ARHGAP25: variants seen among roughly 807,000 people sequenced by gnomAD.
The protein encoded by ARHGAP25 is rho GTPase-activating protein 25.
In ARHGAP25, 34 loss-of-function variants were observed where a neutral mutation model predicts 71.0. The ratio of observed to expected loss-of-function variants is 0.48; its 90% CI spans 0.36 to 0.64. The LOEUF (loss-of-function observed/expected upper bound fraction) is 0.64, where lower values mean the gene tolerates loss of function less well. Among genes scored for constraint, ARHGAP25 ranks in the 30% least tolerant of loss-of-function variants. The probability of loss-of-function intolerance (pLI) is 0.00; values close to 1 mark genes in which losing one functional copy is unlikely to be tolerated. For synonymous variants in ARHGAP25, 282 were observed against 296.5 expected, an observed-to-expected ratio of 0.95 and a Z score of 0.50; for missense variants, 706 against 805.1, an observed-to-expected ratio of 0.88 and a Z score of 1.49.
chr2:68,766,104 A>G (rs902365235), intron 1 of ARHGAP25, among the ~76,000 whole-genome samples: 3 of 152,226 alleles, frequency 2.0e-5, no homozygotes, highest in African/African-American at 7.2e-5. Flanking sequence ...GTGACTAGTG[A>G]ACCAAAACCT....
chr2:68,732,495 C>A (rs965379114), upstream of ARHGAP25, among the ~76,000 whole-genome samples: 1 of 152,220 alleles, frequency 6.6e-6, no homozygotes, highest in African/African-American at 2.4e-5. Context: ...CGAAAAAGAG[C>A]AGTGGTGTTT....
upstream of ARHGAP25, among the ~76,000 whole-genome samples, chr2:68,734,098 T>A (rs773236312): frequency 6.6e-6 from 1 of 152,126 alleles, no homozygotes; most frequent in Non-Finnish European, 1.5e-5. Flanking sequence ...TAGAATAGAA[T>A]AAAGGTTGAA....
chr2:68,755,452 C>G (rs1676420396), intron 1 of ARHGAP25, among the ~76,000 whole-genome samples: 1 of 152,178 alleles, frequency 6.6e-6, no homozygotes, highest in African/African-American at 2.4e-5. Flanking sequence ...ACTGGATTCT[C>G]TTTTTCAAAA....
intron 1 of ARHGAP25, among the ~76,000 whole-genome samples, chr2:68,764,872 T>TC (rs1398059514): frequency 6.6e-6 from 1 of 152,242 alleles, no homozygotes; most frequent in South Asian, 2.1e-4. Context: ...AAATCCGTCT[T>TC]CCCCCCAAAT....
chr2:68,734,589 G>A (rs1000071131), upstream of ARHGAP25, among the ~76,000 whole-genome samples: 1 of 152,206 alleles, frequency 6.6e-6, no homozygotes, highest in African/African-American at 2.4e-5. Flanking sequence ...TAGAGTTGAA[G>A]TAGATGATGG....
chr2:68,766,758 C>T (rs545006210), intron 1 of ARHGAP25, among the ~76,000 whole-genome samples: 1 of 152,114 alleles, frequency 6.6e-6, no homozygotes, highest in African/African-American at 2.4e-5. Context: ...GTCATTCTCT[C>T]TCCCTCTCTC....
chr2:68,736,263 C>CAA (rs1675215448), intron 1 of ARHGAP25, among the ~76,000 whole-genome samples: 1 of 152,112 alleles, frequency 6.6e-6, no homozygotes, highest in African/African-American at 2.4e-5. Context: ...TGAAAGAAAA[C>CAA]AGAGTAATCA....
intron 3 of ARHGAP25, among the ~76,000 whole-genome samples, chr2:68,786,460 A>G (rs1000733575): frequency 2.2e-4 from 34 of 152,332 alleles, no homozygotes; most frequent in Admixed American, 3.3e-4. Flanking sequence ...CCTGGGATTC[A>G]GTTCTATTAT....
At chr2:68,756,677 A>G (rs1331711325) in intron 1 of ARHGAP25, among the ~76,000 whole-genome samples, 1 of 152,150 alleles carries the variant, frequency 6.6e-6, no homozygotes, top group Non-Finnish European at 1.5e-5. Flanking sequence ...AATCCAGCAA[A>G]TCCTTGAGGA....
At chr2:68,728,592 T>C (rs1407547593) in intron 2 of ARHGAP25, among the ~76,000 whole-genome samples, 1 of 152,106 alleles carries the variant, frequency 6.6e-6, no homozygotes, top group Non-Finnish European at 1.5e-5. Context: ...GGGAAGATAA[T>C]AGTTTATAAA....
At chr2:68,779,750 C>T (rs1678186426) in intron 2 of ARHGAP25, among the ~76,000 whole-genome samples, 1 of 152,210 alleles carries the variant, frequency 6.6e-6, no homozygotes, top group African/African-American at 2.4e-5. Context: ...TTGCTAAGTA[C>T]AAGTGGCTCT....
chr2:68,739,409 T>G (rs1675400068), intron 1 of ARHGAP25, among the ~76,000 whole-genome samples: 1 of 152,210 alleles, frequency 6.6e-6, no homozygotes, highest in African/African-American at 2.4e-5. Flanking sequence ...AGCATCTTCA[T>G]GTAGCATCCA....
intron 1 of ARHGAP25, among the ~76,000 whole-genome samples, chr2:68,774,422 C>G (rs948217722): frequency 6.6e-6 from 1 of 152,180 alleles, no homozygotes; most frequent in Non-Finnish European, 1.5e-5. Flanking sequence ...GCCAAATATA[C>G]CATGCTGAGT....
chr2:68,737,634 G>A (rs1675289442), intron 1 of ARHGAP25, among the ~76,000 whole-genome samples: 1 of 152,112 alleles, frequency 6.6e-6, no homozygotes, highest in South Asian at 2.1e-4. Flanking sequence ...CCAAAAGGGT[G>A]GAATATAAGG....
At chr2:68,796,807 G>A (rs1215373010) in intron 4 of ARHGAP25, among the ~76,000 whole-genome samples, 6 of 152,200 alleles carry the variant, frequency 3.9e-5, no homozygotes, top group Admixed American at 3.9e-4. Flanking sequence ...GATGCTGATT[G>A]TAGTAGTGGT....
chr2:68,739,787 G>T (rs541489750), intron 1 of ARHGAP25, among the ~76,000 whole-genome samples: 9 of 152,244 alleles, frequency 5.9e-5, no homozygotes, highest in African/African-American at 2.2e-4. Flanking sequence ...AGAGTCCCCA[G>T]ACAGGAACTG....
intron 2 of ARHGAP25, among the ~76,000 whole-genome samples, chr2:68,712,891 A>T (rs892914878): frequency 6.6e-6 from 1 of 152,148 alleles, no homozygotes; most frequent in Admixed American, 6.6e-5. Context: ...TACCAGTACC[A>T]TGTTGTTTTG....
intron 1 of ARHGAP25, among the ~76,000 whole-genome samples, chr2:68,737,312 T>C (rs939472797): frequency 4.6e-5 from 7 of 152,166 alleles, no homozygotes; most frequent in African/African-American, 1.4e-4. Flanking sequence ...TCAAAGAAAC[T>C]TACCTCTATT....
intron 2 of ARHGAP25, among the ~76,000 whole-genome samples, chr2:68,712,590 A>G (rs778235065): frequency 9.9e-5 from 15 of 152,192 alleles, no homozygotes; most frequent in Non-Finnish European, 1.6e-4. Flanking sequence ...GTCCATGCCT[A>G]TGTCCTGAAT....
Sources: allele counts gnomAD v4.1 joint callset (sites outside exome capture counted in the v4.1 genomes callset), GRCh38; gene constraint gnomAD v4.1.1; transcripts MANE v1.5; gene names NCBI Gene and HGNC (gene_info 2026-07-23, HGNC 2026-07-21).